The following GMDS variants were observed in gnomAD, a reference collection of about 807,000 sequenced individuals.
The protein encoded by GMDS is GDP-mannose 4,6 dehydratase.
In GMDS, 20 loss-of-function variants were observed where a neutral mutation model predicts 49.9. The observed-to-expected ratio is 0.40, with a 90% CI of 0.28 to 0.58. The LOEUF is 0.58. Among genes scored for constraint, GMDS ranks in the 20% least tolerant of loss-of-function variants. GMDS has a pLI of 0.42. For missense variants in GMDS, 362 were observed against 481.4 expected, an observed-to-expected ratio of 0.75 and a Z score of 2.32; for synonymous variants, 177 against 178.6, an observed-to-expected ratio of 0.99 and a Z score of 0.07.
chr6:1,696,367 C>A (rs940752124), intron 9 of GMDS, among the ~76,000 whole-genome samples: 4 of 152,220 alleles, frequency 2.6e-5, no homozygotes, highest in Non-Finnish European at 5.9e-5. Flanking sequence ...TGTTGCTAAT[C>A]CTTGCAAAAC....
At chr6:1,702,475 C>T (rs1335674965) in intron 9 of GMDS, among the ~76,000 whole-genome samples, 1 of 149,484 alleles carries the variant, frequency 6.7e-6, no homozygotes, top group African/African-American at 2.4e-5. Context: ...TATAATTTCA[C>T]TGTATGTGGG....
intron 1 of GMDS, among the ~76,000 whole-genome samples, chr6:2,150,453 C>T (rs1328538784): frequency 6.6e-6 from 1 of 152,062 alleles, no homozygotes; most frequent in Non-Finnish European, 1.5e-5. Context: ...GCTATAAAGT[C>T]TACCTCTCCC....
chr6:1,746,042 T>C (rs917117645), intron 7 of GMDS, among the ~76,000 whole-genome samples: 5 of 152,202 alleles, frequency 3.3e-5, no homozygotes, highest in African/African-American at 1.2e-4. Context: ...TGTGCTCCAT[T>C]GATTCCCTGA....
chr6:2,167,749 C>T (rs1241353599), intron 1 of GMDS, among the ~76,000 whole-genome samples: 1 of 151,620 alleles, frequency 6.6e-6, no homozygotes, highest in African/African-American at 2.4e-5. Context: ...CTGATAATTC[C>T]TCTGGCTGCT....
intron 1 of GMDS, among the ~76,000 whole-genome samples, chr6:2,237,299 C>T (rs973929777): frequency 1.3e-5 from 2 of 152,190 alleles, no homozygotes; most frequent in African/African-American, 4.8e-5. Flanking sequence ...AGGTTTGGCA[C>T]ATTGGTGCCC....
chr6:2,201,283 C>T (rs1458830785), intron 1 of GMDS, among the ~76,000 whole-genome samples: 1 of 108,880 alleles, frequency 9.2e-6, no homozygotes, highest in African/African-American at 3.6e-5. Context: ...AGGATGAAGA[C>T]AGAACACCAC....
chr6:1,760,473 C>A (rs1327225757), intron 7 of GMDS, among the ~76,000 whole-genome samples: 1 of 152,148 alleles, frequency 6.6e-6, no homozygotes, highest in African/African-American at 2.4e-5. Context: ...GCTGTGGGAA[C>A]ACAGAGGAGA....
At chr6:2,048,211 G>A (rs1770145270) in intron 4 of GMDS, among the ~76,000 whole-genome samples, 1 of 152,204 alleles carries the variant, frequency 6.6e-6, no homozygotes, top group Admixed American at 6.5e-5. Flanking sequence ...TTAAGGTTAT[G>A]AAAATATTCT....
At chr6:2,158,926 C>T (rs749205239) in intron 1 of GMDS, among the ~76,000 whole-genome samples, 50 of 152,164 alleles carry the variant, frequency 3.3e-4, no homozygotes, top group Non-Finnish European at 6.3e-4. Context: ...CTACTTACAT[C>T]AAAAAGCATC....
intron 4 of GMDS, among the ~76,000 whole-genome samples, chr6:2,010,725 G>A (rs1321899391): frequency 3.9e-5 from 6 of 152,100 alleles, no homozygotes; most frequent in African/African-American, 1.4e-4. Context: ...TAAAGATGTG[G>A]GTAAATAAGC....
At chr6:2,223,747 G>A (rs936803059) in intron 1 of GMDS, among the ~76,000 whole-genome samples, 1 of 152,168 alleles carries the variant, frequency 6.6e-6, no homozygotes, top group East Asian at 1.9e-4. Context: ...TGATAGAAGG[G>A]AGGGACATGT....
rs148892924 is a variant in GMDS at position 1,814,153 on chromosome 6, A to G, written c.772-71567T>C. ...ACCAAATCAGAATGTCAGTTCTAGC[A>G]TAAGAGTCTGATTAAATGCAATGTG... On this transcript the variant is annotated intron_variant, in intron 7 of 10. Coordinates refer to ENST00000380815, the MANE Select transcript of GMDS (RefSeq NM_001500.4). 2.7e-3 allele frequency among the ~76,000 whole-genome samples: 407 copies of G among 152,328 alleles called. 1 individual carries two copies. Among genetic ancestry groups the G allele is most frequent in the Non-Finnish European group, 4.5e-3 (306 of 68,036 alleles).
intron 7 of GMDS, among the ~76,000 whole-genome samples, chr6:1,803,929 A>T (rs1250380686): frequency 6.6e-6 from 1 of 152,164 alleles, no homozygotes; most frequent in African/African-American, 2.4e-5. Flanking sequence ...AAGGTCAGTA[A>T]ATTATTTTTG....
intron 9 of GMDS, among the ~76,000 whole-genome samples, chr6:1,676,872 G>T (rs1006378270): frequency 1.3e-5 from 2 of 152,140 alleles, no homozygotes; most frequent in Non-Finnish European, 2.9e-5. Context: ...ATAGGCATGG[G>T]CAAGGACTTC....
intron 4 of GMDS, among the ~76,000 whole-genome samples, chr6:2,069,295 A>C (rs1193428154): frequency 6.6e-6 from 1 of 152,242 alleles, no homozygotes; most frequent in Non-Finnish European, 1.5e-5. Flanking sequence ...TAAACGTTAG[A>C]TCTAAAACGA....
In GMDS at chr6:2,120,093, T is replaced by C. The variant is rs1775057762; in HGVS notation, c.148-2537A>G. Among the ~76,000 whole-genome samples the C allele has an allele frequency of 2.0e-5, 3 of 152,214 alleles. No individual in the cohort carries two copies. In the South Asian group the frequency reaches 6.2e-4, roughly 32 times the overall value. On this transcript the variant is annotated intron_variant, in intron 2 of 10. Transcript: ENST00000380815. ...AATGTCACTCACCTTTTGAAAAGTATAGATTATTTAAGTAATATCAATAGC... is the reference window on the plus strand; with the variant it reads ...AATGTCACTCACCTTTTGAAAAGTACAGATTATTTAAGTAATATCAATAGC...
chr6:1,945,319 T>C lies in GMDS; in HGVS notation c.643+14548A>G, dbSNP rs911201203. The stretch of plus-strand genomic sequence containing the variant: ...AGATGAATGGGCATGCAGGAGGCAA[T>C]AGCGTGCCTCTCAAGCTCACCAGAG... On this transcript the variant is annotated intron_variant, in intron 6 of 10. Coordinates refer to ENST00000380815, the MANE Select transcript of GMDS (RefSeq NM_001500.4). Among the ~76,000 whole-genome samples, 10 of 151,880 alleles carry C rather than the reference T, an allele frequency of 6.6e-5. No homozygotes were observed. In the East Asian group the frequency reaches 1.5e-3, roughly 24 times the overall value.
intron 9 of GMDS, among the ~76,000 whole-genome samples, chr6:1,652,840 G>T (rs1307430151): frequency 7.3e-6 from 1 of 136,424 alleles, no homozygotes; most frequent in Non-Finnish European, 1.5e-5. Context: ...CGGACCTGCT[G>T]TTTGTCCTGC....
chr6:2,212,912 A>G (rs1014228388), intron 1 of GMDS, among the ~76,000 whole-genome samples: 2 of 152,158 alleles, frequency 1.3e-5, no homozygotes, highest in Non-Finnish European at 2.9e-5. Context: ...AGTCTTTAAA[A>G]AGAAAAATAT....
Sources: gnomAD v4.1 joint callset for allele counts (sites outside exome capture counted in the v4.1 genomes callset) on GRCh38, gnomAD v4.1.1 for gene constraint, MANE v1.5 for transcripts, NCBI Gene and HGNC (gene_info 2026-07-23, HGNC 2026-07-21) for gene names.